Variants in SFI1 observed in about 807,000 individuals in gnomAD.
The protein encoded by SFI1 is SFI1 centrin binding protein.
Under a neutral mutation model 207.5 loss-of-function variants are expected in SFI1, and 195 were observed. That is an observed-to-expected ratio of 0.94 (90% CI 0.84 to 1.06). The LOEUF (loss-of-function observed/expected upper bound fraction) is 1.06, where lower values mean the gene tolerates loss of function less well. Among genes scored for constraint, SFI1 ranks in the 50% least tolerant of loss-of-function variants. The probability of loss-of-function intolerance (pLI) is 0.00; values close to 1 mark genes in which losing one functional copy is unlikely to be tolerated. For synonymous variants in SFI1, 630 were observed against 598.9 expected (o/e 1.05, Z -0.76); for missense variants, 1,634 against 1,588.0 (o/e 1.03, Z -0.49).
chr22:31,580,542 C>CTTTTTTTTTTTTTTTTTTTTTTT (rs11347645), intron 12 of SFI1, among the ~76,000 whole-genome samples, 178 bp downstream of exon 12: 3 of 117,276 alleles, frequency 2.6e-5, no homozygotes, highest in Non-Finnish European at 5.2e-5. Flanking sequence ...CTTTTCTTTT[C>CTTTTTTTTTTTTTTTTTTTTTTT]TTTTTTTTTT....
At chr22:31,519,757 A>G (rs1282687018) in intron 2 of SFI1, among the ~76,000 whole-genome samples, 5 of 151,760 alleles carry the variant, frequency 3.3e-5, no homozygotes, top group Non-Finnish European at 5.9e-5. Flanking sequence ...AATTTTTTGT[A>G]GAGATGGGGT....
intron 4 of SFI1, among the ~76,000 whole-genome samples, chr22:31,542,766 A>G (rs1291594639): frequency 6.7e-6 from 1 of 148,962 alleles, no homozygotes; most frequent in Non-Finnish European, 1.5e-5. Context: ...GGTTCAAGCA[A>G]TTCTTGTGCC....
intron 2 of SFI1, among the ~76,000 whole-genome samples, chr22:31,520,839 T>TA (rs779343072): frequency 0.014 from 1,742 of 121,844 alleles, 22 homozygotes; most frequent in African/African-American, 0.033. Context: ...CTACAAAAAG[T>TA]AAAAAAAAAA....
chr22:31,560,710 T>A (rs573809134), intron 7 of SFI1, among the ~76,000 whole-genome samples: 29 of 149,122 alleles, frequency 1.9e-4, no homozygotes, highest in Admixed American at 1.8e-3. Context: ...GCCTTTTTTT[T>A]TTTTTTCCCG....
chr22:31,594,000 G>GAGGGAGAGGGAC (rs1431676683), intron 15 of SFI1, among the ~76,000 whole-genome samples: 2 of 86,758 alleles, frequency 2.3e-5, no homozygotes, highest in African/African-American at 4.0e-5. Context: ...GGGAGAGGGA[G>GAGGGAGAGGGAC]AGGGACAGGG....
intron 4 of SFI1, among the ~76,000 whole-genome samples, chr22:31,533,250 G>A (rs563531006): frequency 5.9e-5 from 9 of 152,266 alleles, no homozygotes; most frequent in Admixed American, 1.3e-4. Context: ...TGTTCGGGCC[G>A]GGCGTGGTGG....
chr22:31,556,848 T>C, intron 6 of SFI1, 94 bp from the exon 7 acceptor site: 2 of 775,370 alleles, frequency 2.6e-6, no homozygotes, highest in Non-Finnish European at 4.2e-6. Flanking sequence ...TGGAGGGATT[T>C]AGGTATTCAA....
intron 6 of SFI1, among the ~76,000 whole-genome samples, chr22:31,554,498 CG>C (rs1339275702): frequency 1.3e-5 from 2 of 151,430 alleles, no homozygotes; most frequent in African/African-American, 4.9e-5. Context: ...TTAATAGAGA[CG>C]GGATTTCACA....
Position 31,575,405 on chromosome 22 carries a change from A to G in SFI1, c.1084+13A>G. The G allele has an allele frequency of 6.3e-7, 1 of 1,579,004 alleles. No individual in the cohort carries two copies. Among genetic ancestry groups the G allele is most frequent in the Non-Finnish European group, 8.6e-7 (1 of 1,160,192 alleles). ...CACTGGAAACACTGTATCCTTTCAG[A>G]TACTCAGGCTGTCCATTGCCTCAGC... On this transcript the variant is annotated intron_variant, in intron 10 of 32. Coordinates refer to ENST00000400288, the MANE Select transcript of SFI1 (RefSeq NM_001007467.3).
chr22:31,503,324 C>G (rs1348244453), intron 1 of SFI1, among the ~76,000 whole-genome samples: 1 of 152,154 alleles, frequency 6.6e-6, no homozygotes, highest in Non-Finnish European at 1.5e-5. Context: ...CGTGAATACC[C>G]TGTCTGACAG....
chr22:31,543,809 C>CAA (rs59076091), intron 4 of SFI1, among the ~76,000 whole-genome samples: 2 of 56,616 alleles, frequency 3.5e-5, no homozygotes, highest in Admixed American at 2.1e-4. Flanking sequence ...GACTCCATCT[C>CAA]AAAAAAAAAA....
Position 31,573,134 on chromosome 22 carries a change from A to G in SFI1, c.842A>G (p.His281Arg). 6.2e-7 allele frequency: 1 copy of G among 1,613,898 alleles called. No homozygotes were observed. The highest frequency in any genetic ancestry group is 1.1e-5 in the South Asian group (1 of 91,074). The change falls in exon 9 of 33, where the codon CAT becomes CGT. Residue 281 changes from histidine to arginine, a missense_variant. His to Arg is a conservative substitution (Grantham distance 29, BLOSUM62 0). Coordinates refer to ENST00000400288, the MANE Select transcript of SFI1 (RefSeq NM_001007467.3). ...KQKVVSAVKH[H>R]QHWQKRRFLK... is the part of the protein sequence containing the mutation. ...AAGGTTGTCTCTGCAGTGAAACATC[A>G]TCAGCACTGGCAAAAACGGAGATTT...
At chr22:31,611,736 G>C in intron 23 of SFI1, 30 bp from the exon 24 acceptor site, 1 of 1,606,044 alleles carries the variant, frequency 6.2e-7, no homozygotes. Context: ...GGGTCAGGAC[G>C]CCACTCTCTG....
At chr22:31,499,089 A>G (rs2053268272) in intron 1 of SFI1, among the ~76,000 whole-genome samples, 1 of 151,838 alleles carries the variant, frequency 6.6e-6, no homozygotes, top group Admixed American at 6.6e-5. Flanking sequence ...CTCATTGCAG[A>G]CTTGAACTTC....
At chr22:31,568,216 ATATATATATAT>A (rs1322742514) in intron 8 of SFI1, among the ~76,000 whole-genome samples, 27 of 129,022 alleles carry the variant, frequency 2.1e-4, no homozygotes, top group Non-Finnish European at 3.4e-4. Flanking sequence ...GTGTGTATAT[ATATATATATAT>A]TTTTTTTTTT....
chr22:31,615,059 C>A lies in SFI1; in HGVS notation c.3080C>A (p.Pro1027Gln). ...TTCCCTGTGCTCAGGCCTCAGAAGCCACAGGAACATGGCCTAGGCATGGCT... is the reference window on the plus strand; with the variant it reads ...TTCCCTGTGCTCAGGCCTCAGAAGCAACAGGAACATGGCCTAGGCATGGCT... ...EPAQSQRPQK[P>Q]QEHGLGMAQP... is the part of the protein sequence containing the mutation. The change falls in exon 29 of 33, where the codon CCA (proline) becomes CAA (glutamine). Residue 1027 changes from proline to glutamine, a missense_variant. By Grantham distance (76) the Pro-to-Gln change is moderately conservative (BLOSUM62 -1). Coordinates refer to ENST00000400288, the MANE Select transcript of SFI1 (RefSeq NM_001007467.3). The A allele has an allele frequency of 6.2e-7, 1 of 1,610,936 alleles. No homozygotes were observed.
intron 2 of SFI1, among the ~76,000 whole-genome samples, chr22:31,517,115 C>T (rs2056633186): frequency 6.6e-6 from 1 of 151,318 alleles, no homozygotes. Context: ...GCCTGGGTGA[C>T]AGAGTGAGAC....
At chr22:31,507,729 A>G (rs2054851990) in intron 1 of SFI1, among the ~76,000 whole-genome samples, 1 of 152,186 alleles carries the variant, frequency 6.6e-6, no homozygotes, top group Admixed American at 6.6e-5. Flanking sequence ...TATATGGTGA[A>G]CAAACATGAA....
intron 10 of SFI1, among the ~76,000 whole-genome samples, chr22:31,577,778 A>G (rs944447238): frequency 1.3e-5 from 2 of 152,128 alleles, no homozygotes; most frequent in African/African-American, 4.8e-5. Context: ...GGAAAGGATA[A>G]TTCTGGATTA....
Sources: allele counts gnomAD v4.1 joint callset (sites outside exome capture counted in the v4.1 genomes callset), GRCh38; gene constraint gnomAD v4.1.1; transcripts MANE v1.5; gene names NCBI Gene and HGNC (gene_info 2026-07-23, HGNC 2026-07-21).